Variants in SCFD2 observed in about 807,000 individuals in gnomAD.
SCFD2 encodes sec1 family domain containing 2.
SCFD2 carries 54 observed loss-of-function variants against 58.9 expected under a neutral mutation model. That is an observed-to-expected ratio of 0.92 (90% confidence interval 0.74 to 1.15). The LOEUF is 1.15. SCFD2 is among the 50% of genes most tolerant of loss of function. The probability of loss-of-function intolerance (pLI) is 0.00; values close to 1 mark genes in which losing one functional copy is unlikely to be tolerated. For missense variants in SCFD2, 805 were observed against 836.6 expected, an observed-to-expected ratio of 0.96 and a Z score of 0.47; for synonymous variants, 321 against 335.9, an observed-to-expected ratio of 0.96 and a Z score of 0.49.
At chr4:53,258,764 AATGGTAG>A (rs1730738462) in intron 4 of SCFD2, among the ~76,000 whole-genome samples, 1 of 151,836 alleles carries the variant, frequency 6.6e-6, no homozygotes. Context: ...TGCTGGGTCA[AATGGTAG>A]ATCTACTTTT....
chr4:53,114,479 T>C (rs190194081), intron 5 of SCFD2, among the ~76,000 whole-genome samples: 18 of 152,106 alleles, frequency 1.2e-4, no homozygotes, highest in African/African-American at 4.3e-4. Flanking sequence ...ATTCTTCTTG[T>C]TTTCCTCCCA....
At chr4:53,037,960 C>T (rs1407036808) in intron 5 of SCFD2, among the ~76,000 whole-genome samples, 1 of 152,078 alleles carries the variant, frequency 6.6e-6, no homozygotes, top group African/African-American at 2.4e-5. Context: ...TCTTGGATAT[C>T]TGCTTGGAAC....
chr4:53,195,179 C>T (rs533745488), intron 4 of SCFD2, among the ~76,000 whole-genome samples: 16 of 152,156 alleles, frequency 1.1e-4, no homozygotes, highest in Middle Eastern at 3.4e-3. Context: ...ATTTAAAAAT[C>T]GAGTGCTGTA....
chr4:53,222,110 T>C (rs774753604), intron 4 of SCFD2, among the ~76,000 whole-genome samples: 61 of 152,344 alleles, frequency 4.0e-4, no homozygotes, highest in Middle Eastern at 3.4e-3. Context: ...TGTTCCTATA[T>C]TACCATCTCA....
chr4:53,238,727 G>A (rs373403897), intron 4 of SCFD2, among the ~76,000 whole-genome samples: 16,847 of 149,400 alleles, frequency 0.11, 453 homozygotes, highest in East Asian at 0.19. Flanking sequence ...CAGACGGGGC[G>A]GCGGGGCAGA....
chr4:52,976,100 C>T (rs1463144971), intron 5 of SCFD2, among the ~76,000 whole-genome samples: 1 of 151,850 alleles, frequency 6.6e-6, no homozygotes, highest in East Asian at 1.9e-4. Context: ...GGGCAGCACA[C>T]CAACATGGCA....
chr4:53,077,639 T>C (rs1724016544), intron 5 of SCFD2, among the ~76,000 whole-genome samples: 1 of 152,122 alleles, frequency 6.6e-6, no homozygotes, highest in Admixed American at 6.5e-5. Context: ...GGTTTCACCA[T>C]GTCAGCCAGG....
At chr4:53,219,487 G>A (rs1728980528) in intron 4 of SCFD2, among the ~76,000 whole-genome samples, 1 of 152,206 alleles carries the variant, frequency 6.6e-6, no homozygotes, top group Non-Finnish European at 1.5e-5. Context: ...CGTTGGAAAA[G>A]CACAGTATTA....
intron 5 of SCFD2, among the ~76,000 whole-genome samples, chr4:53,045,537 T>C: frequency 6.6e-6 from 1 of 152,284 alleles, no homozygotes. Flanking sequence ...TAAATAAAAA[T>C]AGCTTTTCTT....
At chr4:53,083,262 T>C (rs1230578410) in intron 5 of SCFD2, among the ~76,000 whole-genome samples, 1 of 152,152 alleles carries the variant, frequency 6.6e-6, no homozygotes. Flanking sequence ...TTCTTGAGAA[T>C]ACTTAATTAT....
At chr4:53,297,756 T>G (rs187243895) in intron 3 of SCFD2, among the ~76,000 whole-genome samples, 1 of 152,334 alleles carries the variant, frequency 6.6e-6, no homozygotes, top group Non-Finnish European at 1.5e-5. Context: ...GCATCGATGG[T>G]CTTTACAATG....
chr4:53,053,838 C>G (rs1723250808), intron 5 of SCFD2, among the ~76,000 whole-genome samples: 1 of 152,072 alleles, frequency 6.6e-6, no homozygotes, highest in South Asian at 2.1e-4. Context: ...TATATATTTT[C>G]AGGGTACATG....
intron 5 of SCFD2, among the ~76,000 whole-genome samples, chr4:52,981,321 C>A (rs1477491217): frequency 6.6e-6 from 1 of 152,182 alleles, no homozygotes; most frequent in East Asian, 1.9e-4. Context: ...AAGATGAAGT[C>A]TCCTGCCCTG....
At position 53,267,327 on chromosome 4, in the gene SCFD2, G is replaced by C. The variant is rs142969796; in HGVS notation, c.1311+6499C>G. Among the ~76,000 whole-genome samples the C allele has an allele frequency of 8.0e-4, 122 of 152,240 alleles. 1 individual carries two copies. In the East Asian group the frequency reaches 0.021, roughly 26 times the overall value. On this transcript the variant is annotated intron_variant, in intron 4 of 8. Transcript: ENST00000401642. ...ATGCCCTACTTTCAAACCAAAGCCTGTAAAAGGGGCAGCTGCCCATATATT... is the reference window on the plus strand; with the variant it reads ...ATGCCCTACTTTCAAACCAAAGCCTCTAAAAGGGGCAGCTGCCCATATATT...
rs141893707 is a variant in SCFD2 at position 53,365,187 on chromosome 4, T to A, written c.755A>T (p.Asn252Ile). ...LSQVIAADLA[N>I]YAPAKNRKKT... ...CTTCCTGTTCTTTGCAGGGGCATAATTGGCCAGATCCGCAGCGATGACCTG... is the reference window on the plus strand; with the variant it reads ...CTTCCTGTTCTTTGCAGGGGCATAAATGGCCAGATCCGCAGCGATGACCTG... Residue 252 changes from asparagine to isoleucine, a missense_variant, in exon 1 of 9, where the codon AAT becomes ATT. This residue lies in a region of SCFD2 where 633 missense variants were observed against 646.8 expected (regional missense o/e 0.98). Coordinates refer to ENST00000401642, the MANE Select transcript of SCFD2 (RefSeq NM_152540.4). This position sits in a 1 kb window ranked among gnomAD's most constrained non-coding sequence, Gnocchi z 4.3. 1 of 1,614,174 alleles carries A rather than the reference T, an allele frequency of 6.2e-7. No homozygotes were observed. Among genetic ancestry groups the A allele is most frequent in the Non-Finnish European group, 8.5e-7 (1 of 1,180,048 alleles).
intron 4 of SCFD2, among the ~76,000 whole-genome samples, chr4:53,251,837 C>G (rs914004901): frequency 2.6e-5 from 4 of 151,368 alleles, no homozygotes; most frequent in Non-Finnish European, 4.4e-5. Flanking sequence ...ACAGGGATGC[C>G]CTCTCTCACC....
intron 4 of SCFD2, among the ~76,000 whole-genome samples, chr4:53,145,849 G>T (rs1207593986): frequency 1.3e-5 from 2 of 151,724 alleles, no homozygotes; most frequent in African/African-American, 2.4e-5. Flanking sequence ...ACAAATAGGA[G>T]TCCATTAATT....
At chr4:53,231,980 C>G (rs897954583) in intron 4 of SCFD2, among the ~76,000 whole-genome samples, 5 of 151,880 alleles carry the variant, frequency 3.3e-5, no homozygotes, top group Non-Finnish European at 4.4e-5. Context: ...TCTATCAAAA[C>G]CAACGTTAAA....
At chr4:53,199,714 A>G (rs1450399347) in intron 4 of SCFD2, among the ~76,000 whole-genome samples, 1 of 152,150 alleles carries the variant, frequency 6.6e-6, no homozygotes, top group African/African-American at 2.4e-5. Flanking sequence ...AACATGCTGG[A>G]AAGGTGGAAT....
Sources: allele counts gnomAD v4.1 joint callset (sites outside exome capture counted in the v4.1 genomes callset), GRCh38; gene constraint gnomAD v4.1.1; regional missense constraint gnomAD v4.1.1; non-coding constraint Gnocchi (gnomAD v3.1); transcripts MANE v1.5; gene names NCBI Gene and HGNC (gene_info 2026-07-23, HGNC 2026-07-21).